ANTXR1: variants seen among roughly 807,000 people sequenced by gnomAD.
ANTXR1 encodes anthrax toxin receptor 1.
ANTXR1 carries 19 observed loss-of-function variants against 78.1 expected under a neutral mutation model. The observed-to-expected ratio is 0.24, with a 90% CI of 0.17 to 0.36. The LOEUF (loss-of-function observed/expected upper bound fraction) is 0.36. Ranked by LOEUF, ANTXR1 falls within the 10% of genes least tolerant of loss-of-function variation. ANTXR1 has a pLI of 1.00. For synonymous variants in ANTXR1, 273 were observed against 260.5 expected, an observed-to-expected ratio of 1.05 and a Z score of -0.46; for missense variants, 518 against 718.6, an observed-to-expected ratio of 0.72 and a Z score of 3.19.
At chr2:69,028,337 G>T (rs1354279327) in intron 1 of ANTXR1, among the ~76,000 whole-genome samples, 1 of 152,106 alleles carries the variant, frequency 6.6e-6, no homozygotes, top group Non-Finnish European at 1.5e-5. Context: ...AACTTTATAA[G>T]TGGGAAGAAA....
intron 12 of ANTXR1, among the ~76,000 whole-genome samples, chr2:69,130,953 C>T (rs373911768): frequency 6.6e-6 from 1 of 152,166 alleles, no homozygotes; most frequent in Non-Finnish European, 1.5e-5. Flanking sequence ...CAGGCTGACT[C>T]TTTGCTACTT....
At chr2:69,221,965 T>C (rs952628525) in intron 17 of ANTXR1, among the ~76,000 whole-genome samples, 3 of 152,216 alleles carry the variant, frequency 2.0e-5, no homozygotes, top group African/African-American at 7.2e-5. Context: ...ATGTCTGAGC[T>C]AGACTCCTTA....
At chr2:69,229,051 C>G (rs886730341) in intron 17 of ANTXR1, among the ~76,000 whole-genome samples, 1 of 152,068 alleles carries the variant, frequency 6.6e-6, no homozygotes, top group Non-Finnish European at 1.5e-5. Context: ...CCTGTGGGAA[C>G]TCTTCTTCTA....
In ANTXR1 at chr2:69,121,783, A is replaced by T. The variant is rs368221570; in HGVS notation, c.803-1234A>T. Among the ~76,000 whole-genome samples, 52 of 152,316 alleles carry T rather than the reference A, an allele frequency of 3.4e-4. No individual in the cohort carries two copies. The East Asian group carries it at 9.1e-3, about 27-fold the overall frequency. On this transcript the variant is annotated intron_variant, in intron 10 of 17. Coordinates refer to ENST00000303714, the MANE Select transcript of ANTXR1 (RefSeq NM_032208.3). ...CCCTACCACAGCCTTTTTGTACAGC[A>T]CATGTACCCAATCAAAGCTGAGGCT...
intron 10 of ANTXR1, among the ~76,000 whole-genome samples, chr2:69,121,692 A>G (rs185226177): frequency 1.3e-5 from 2 of 152,346 alleles, no homozygotes; most frequent in Admixed American, 1.3e-4. Flanking sequence ...TCTTCTAGTT[A>G]TAGGAACTTG....
At chr2:69,134,153 T>A (rs1672841159) in intron 12 of ANTXR1, among the ~76,000 whole-genome samples, 1 of 152,168 alleles carries the variant, frequency 6.6e-6, no homozygotes, top group South Asian at 2.1e-4. Context: ...AAAATCTCCG[T>A]TCGAATATTG....
intron 1 of ANTXR1, among the ~76,000 whole-genome samples, chr2:69,037,630 C>T (rs572484238): frequency 8.2e-4 from 125 of 152,100 alleles, no homozygotes; most frequent in Non-Finnish European, 9.6e-4. Context: ...CCACCATGCC[C>T]GGCTAATTTT....
intron 12 of ANTXR1, among the ~76,000 whole-genome samples, chr2:69,139,451 G>A (rs1673008824): frequency 6.6e-6 from 1 of 152,252 alleles, no homozygotes; most frequent in Admixed American, 6.5e-5. Flanking sequence ...AGAAGTTGAT[G>A]TCTATCTTTC....
Position 69,033,117 on chromosome 2 carries a change from A to AG in ANTXR1, c.153-6926dup, listed in dbSNP as rs1318006698. 4.6e-5 allele frequency among the ~76,000 whole-genome samples: 7 copies of AG among 152,300 alleles called. No homozygotes were observed. In the East Asian group the frequency reaches 1.4e-3, roughly 29 times the overall value. ...AGGATATTTCATCACAAGTCAGTCGAGTGGGGCCAGGCACCCTGTCCTGGG... is the reference window on the plus strand; with the variant it reads ...AGGATATTTCATCACAAGTCAGTCGAGGTGGGGCCAGGCACCCTGTCCTGGG... On this transcript the variant is annotated intron_variant, in intron 1 of 17. Coordinates refer to ENST00000303714, the MANE Select transcript of ANTXR1 (RefSeq NM_032208.3).
intron 12 of ANTXR1, among the ~76,000 whole-genome samples, chr2:69,131,050 TAA>T (rs1672727224): frequency 6.6e-6 from 1 of 152,110 alleles, no homozygotes; most frequent in African/African-American, 2.4e-5. Context: ...TTAAAGCAAA[TAA>T]AGTTGATACA....
At chr2:69,189,829 C>A (rs1674508070) in intron 16 of ANTXR1, among the ~76,000 whole-genome samples, 1 of 152,186 alleles carries the variant, frequency 6.6e-6, no homozygotes, top group African/African-American at 2.4e-5. Flanking sequence ...AAAGGAGGAG[C>A]AGGTTTGGGG....
At chr2:69,055,904 C>A (rs1670053476) in intron 3 of ANTXR1, among the ~76,000 whole-genome samples, 1 of 151,968 alleles carries the variant, frequency 6.6e-6, no homozygotes, top group South Asian at 2.1e-4. Flanking sequence ...CCACCATGTG[C>A]ATGTAATTGC....
At chr2:69,015,303 A>C (rs1247273889) in intron 1 of ANTXR1, among the ~76,000 whole-genome samples, 1 of 151,632 alleles carries the variant, frequency 6.6e-6, no homozygotes, top group Non-Finnish European at 1.5e-5. Context: ...AAAAGAGCTG[A>C]AACATTTTTG....
chr2:69,196,860 T>C (rs1674677263), intron 17 of ANTXR1, among the ~76,000 whole-genome samples: 1 of 152,188 alleles, frequency 6.6e-6, no homozygotes, highest in Admixed American at 6.5e-5. Context: ...CCTGTCTCCT[T>C]CATCCTCCCC....
intron 6 of ANTXR1, among the ~76,000 whole-genome samples, chr2:69,075,038 C>T (rs1329230694): frequency 7.7e-6 from 1 of 130,490 alleles, no homozygotes; most frequent in Non-Finnish European, 1.6e-5. Flanking sequence ...TACCATTAAA[C>T]CACTTTATTC....
chr2:69,020,884 A>G (rs1671170872), intron 1 of ANTXR1, among the ~76,000 whole-genome samples: 1 of 152,248 alleles, frequency 6.6e-6, no homozygotes, highest in Non-Finnish European at 1.5e-5. Flanking sequence ...GTGTACTCCA[A>G]TACATGCGTG....
chr2:69,093,242 C>T (rs368586183), intron 9 of ANTXR1, among the ~76,000 whole-genome samples: 1 of 152,216 alleles, frequency 6.6e-6, no homozygotes, highest in East Asian at 1.9e-4. Flanking sequence ...GCCACTGATA[C>T]TTGCCTATTT....
chr2:69,087,549 GA>G (rs1459859438), intron 8 of ANTXR1, among the ~76,000 whole-genome samples: 5 of 152,142 alleles, frequency 3.3e-5, no homozygotes, highest in Non-Finnish European at 5.9e-5. Flanking sequence ...GGTAAATACG[GA>G]CCAGGGCCAA....
intron 3 of ANTXR1, among the ~76,000 whole-genome samples, chr2:69,070,368 A>C (rs980786040): frequency 9.2e-5 from 14 of 152,286 alleles, no homozygotes; most frequent in Middle Eastern, 3.4e-3. Context: ...TTTCCAATGT[A>C]GAAGGAAAAC....
Sources: allele counts gnomAD v4.1 joint callset (sites outside exome capture counted in the v4.1 genomes callset), GRCh38; gene constraint gnomAD v4.1.1; transcripts MANE v1.5; gene names NCBI Gene and HGNC (gene_info 2026-07-23, HGNC 2026-07-21).